Variants in FAAH2 observed in about 807,000 individuals in gnomAD.
FAAH2 encodes fatty-acid amide hydrolase 2.
Under a neutral mutation model 36.9 loss-of-function variants are expected in FAAH2, and 60 were observed. That is an observed-to-expected ratio of 1.63 (90% CI 1.32 to 2.02). The LOEUF (loss-of-function observed/expected upper bound fraction) is 2.02, where lower values mean the gene tolerates loss of function less well. Ranked by LOEUF, FAAH2 falls within the 30% of genes most tolerant of loss-of-function variation. FAAH2 has a pLI of 0.00. For missense variants in FAAH2, 689 were observed against 397.5 expected (o/e 1.73, Z -6.23); for synonymous variants, 214 against 143.8 (o/e 1.49, Z -3.49).
the FAAH2 span, among the ~76,000 whole-genome samples, chrX:57,198,050 G>GTATAGGA: frequency 8.9e-6 from 1 of 111,783 alleles, no homozygotes; most frequent in Admixed American, 9.5e-5. Context: ...AGCTGCAGTA[G>GTATAGGA]TATAGGAAAA....
At chrX:57,225,797 G>A in the FAAH2 span, among the ~76,000 whole-genome samples, 1 of 111,882 alleles carries the variant, frequency 8.9e-6, no homozygotes, top group Non-Finnish European at 1.9e-5. Flanking sequence ...ATTAGTAATT[G>A]TTTTATAAAT....
At position 57,296,663 on chromosome X, in the gene FAAH2, G is replaced by T. The variant is rs974079852; in HGVS notation, c.275+4083G>T. On this transcript the variant is annotated intron_variant, in intron 2 of 10. Transcript: ENST00000374900. ...GATGATCAAACTACTGCAAGCTAAA[G>T]GAGGAAGTTTGAACCCATGACAAAG... Among the ~76,000 whole-genome samples the T allele has an allele frequency of 9.0e-5, 10 of 111,520 alleles. No individual in the cohort carries two copies. In the Admixed American group the frequency reaches 9.5e-4, roughly 11 times the overall value.
At chrX:57,250,607 G>T in the FAAH2 span, among the ~76,000 whole-genome samples, 1 of 110,406 alleles carries the variant, frequency 9.1e-6, no homozygotes, top group Non-Finnish European at 1.9e-5. Context: ...AAGACACCAT[G>T]TTATACACCA....
the FAAH2 span, among the ~76,000 whole-genome samples, chrX:57,206,075 G>A: frequency 2.2e-4 from 25 of 111,368 alleles, no homozygotes; most frequent in Non-Finnish European, 1.5e-4. Flanking sequence ...GCAAATGTGG[G>A]GTCTTTTCTG....
intron 10 of FAAH2, among the ~76,000 whole-genome samples, chrX:57,455,088 C>T (rs1243130677): frequency 8.9e-6 from 1 of 111,816 alleles, no homozygotes; most frequent in Non-Finnish European, 1.9e-5. Flanking sequence ...CCCCACCAGA[C>T]TCTCTGTAAG....
the FAAH2 span, among the ~76,000 whole-genome samples, chrX:57,252,679 G>T: frequency 5.3e-5 from 6 of 112,382 alleles, no homozygotes; most frequent in Non-Finnish European, 1.1e-4. Flanking sequence ...TGAGGGGTCA[G>T]TCTGTTAGAA....
chrX:57,192,026 G>A, the FAAH2 span, among the ~76,000 whole-genome samples: 1 of 111,708 alleles, frequency 9.0e-6, no homozygotes, highest in African/African-American at 3.2e-5. Context: ...TTGTTATTTT[G>A]ATGGGGATTG....
the FAAH2 span, among the ~76,000 whole-genome samples, chrX:57,138,854 C>T: frequency 9.0e-6 from 1 of 111,705 alleles, no homozygotes; most frequent in East Asian, 2.8e-4. Flanking sequence ...TCCATTTGTG[C>T]GTCTTAGTTT....
At chrX:57,389,574 A>G (rs1327620373) in intron 7 of FAAH2, among the ~76,000 whole-genome samples, 1 of 110,184 alleles carries the variant, frequency 9.1e-6, no homozygotes, top group Non-Finnish European at 1.9e-5. Context: ...TTAAGGCTGA[A>G]TAATATTCCA....
the FAAH2 span, among the ~76,000 whole-genome samples, chrX:57,186,002 T>A: frequency 9.0e-6 from 1 of 111,691 alleles, no homozygotes; most frequent in Non-Finnish European, 1.9e-5. Flanking sequence ...GTCATTGCTA[T>A]TGCAAATAGT....
the FAAH2 span, among the ~76,000 whole-genome samples, chrX:57,277,295 C>T: frequency 8.9e-6 from 1 of 111,934 alleles, no homozygotes; most frequent in Non-Finnish European, 1.9e-5. Flanking sequence ...AAATGTGATC[C>T]ATCACATAAA....
chrX:57,287,927 C>T (rs1689913397), intron 1 of FAAH2, among the ~76,000 whole-genome samples: 1 of 111,344 alleles, frequency 9.0e-6, no homozygotes, highest in Non-Finnish European at 1.9e-5. Context: ...GTATTGTACT[C>T]CTGGTTACCT....
chrX:57,437,408 A>T (rs2056431741), intron 8 of FAAH2, among the ~76,000 whole-genome samples: 1 of 110,423 alleles, frequency 9.1e-6, no homozygotes, highest in Non-Finnish European at 1.9e-5. Flanking sequence ...GAAATAAAAG[A>T]TATCCAAACT....
At chrX:57,253,461 T>C in the FAAH2 span, among the ~76,000 whole-genome samples, 1 of 110,960 alleles carries the variant, frequency 9.0e-6, no homozygotes, top group African/African-American at 3.3e-5. Context: ...CCAAGACACA[T>C]AATTGTCAAA....
the FAAH2 span, among the ~76,000 whole-genome samples, chrX:57,271,225 G>A: frequency 2.7e-5 from 3 of 112,757 alleles, no homozygotes; most frequent in African/African-American, 6.4e-5. Flanking sequence ...TGGGAAGTTC[G>A]AACTGGGCAG....
the FAAH2 span, among the ~76,000 whole-genome samples, chrX:57,253,167 T>A: frequency 1.8e-5 from 2 of 110,234 alleles, no homozygotes; most frequent in Non-Finnish European, 3.8e-5. Context: ...AGGATATCAG[T>A]GATTGAAGAT....
intron 5 of FAAH2, among the ~76,000 whole-genome samples, chrX:57,361,154 A>G (rs1356638564): frequency 1.8e-5 from 2 of 112,144 alleles, no homozygotes; most frequent in East Asian, 5.6e-4. Context: ...AGAATTCAGC[A>G]GTGAAACCAT....
the FAAH2 span, among the ~76,000 whole-genome samples, chrX:57,183,796 C>T: frequency 6.3e-5 from 7 of 111,357 alleles, no homozygotes; most frequent in Admixed American, 5.7e-4. Flanking sequence ...CGAGGGAAGA[C>T]AACCATAAGG....
At chrX:57,374,869 C>G (rs2054632681) in intron 5 of FAAH2, among the ~76,000 whole-genome samples, 1 of 111,293 alleles carries the variant, frequency 9.0e-6, no homozygotes, top group Non-Finnish European at 1.9e-5. Context: ...ATTTATTACA[C>G]TGAGGTATGT....
Sources: gnomAD v4.1 joint callset for allele counts (sites outside exome capture counted in the v4.1 genomes callset) on GRCh38, gnomAD v4.1.1 for gene constraint, MANE v1.5 for transcripts, NCBI Gene and HGNC (gene_info 2026-07-23, HGNC 2026-07-21) for gene names.